The following ATXN10 variants were observed in gnomAD, a reference collection of about 807,000 sequenced individuals.
ATXN10 encodes ataxin-10.
A neutral mutation model predicts 52.9 loss-of-function variants in ATXN10; 28 were observed. The ratio of observed to expected loss-of-function variants is 0.53; its 90% CI spans 0.39 to 0.73. ATXN10 has a LOEUF of 0.73. Ranked by LOEUF, ATXN10 falls within the 30% of genes least tolerant of loss-of-function variation. The pLI, the probability that ATXN10 is intolerant of heterozygous loss-of-function variation, is 0.00. For synonymous variants in ATXN10, 226 were observed against 221.5 expected, an observed-to-expected ratio of 1.02 and a Z score of -0.18; for missense variants, 565 against 577.0, an observed-to-expected ratio of 0.98 and a Z score of 0.21.
intron 3 of ATXN10, among the ~76,000 whole-genome samples, chr22:45,694,517 C>T (rs1601592303): frequency 6.6e-6 from 1 of 151,984 alleles, no homozygotes; most frequent in African/African-American, 2.4e-5. Context: ...TGCAGTGGCT[C>T]AAGCCTGTAA....
chr22:45,720,317 T>G (rs1358084543), intron 6 of ATXN10, among the ~76,000 whole-genome samples: 1 of 141,072 alleles, frequency 7.1e-6, no homozygotes, highest in Non-Finnish European at 1.6e-5. Flanking sequence ...TATTGTAACC[T>G]TTTTTTTTTT....
intron 1 of ATXN10, chr22:45,675,172 G>A (rs903254216): frequency 2.6e-5 from 4 of 152,198 alleles, no homozygotes; most frequent in African/African-American, 9.7e-5. Flanking sequence ...TGAATCTCCT[G>A]TCTTATCAGA....
chr22:45,812,622 T>A (rs1008435850), intron 10 of ATXN10, among the ~76,000 whole-genome samples: 2 of 152,238 alleles, frequency 1.3e-5, no homozygotes, highest in African/African-American at 4.8e-5. Flanking sequence ...CATCCAAGTT[T>A]TATTGAATTT....
intron 9 of ATXN10, among the ~76,000 whole-genome samples, chr22:45,797,280 A>G (rs534625166): frequency 1.3e-5 from 2 of 152,364 alleles, no homozygotes; most frequent in Non-Finnish European, 2.9e-5. Context: ...TTTCCAGTAC[A>G]CATAGAACAT....
At chr22:45,836,618 G>A (rs1929176137) in intron 10 of ATXN10, among the ~76,000 whole-genome samples, 1 of 152,196 alleles carries the variant, frequency 6.6e-6, no homozygotes, top group Admixed American at 6.5e-5. Flanking sequence ...CTCCCCCCTG[G>A]GGATGCACTG....
rs368441887 is a variant in ATXN10 at position 45,766,414 on chromosome 22, C to T, written c.1173+25876C>T. On this transcript the variant is annotated intron_variant, in intron 9 of 11. Coordinates refer to ENST00000252934, the MANE Select transcript of ATXN10 (RefSeq NM_013236.4). This position sits in a 1 kb window ranked among gnomAD's most constrained non-coding sequence, Gnocchi z 4.6. ...AACAGTTTCATCCTGAAGTCTTCCC[C>T]GCAACCCCTCTTCCCCCGAGTCTGT... is the stretch of plus-strand genomic sequence containing the variant. 6.6e-6 allele frequency among the ~76,000 whole-genome samples: 1 copy of T among 152,168 alleles called. No homozygotes were observed. Among genetic ancestry groups the T allele is most frequent in the South Asian group, 2.1e-4 (1 of 4,832 alleles).
At chr22:45,724,130 T>A (rs1924774152) in intron 6 of ATXN10, among the ~76,000 whole-genome samples, 1 of 152,176 alleles carries the variant, frequency 6.6e-6, no homozygotes, top group Non-Finnish European at 1.5e-5. Flanking sequence ...CAATTGTGAA[T>A]TGTTCTGTGA....
chr22:45,747,043 G>T (rs1027537870), intron 9 of ATXN10, among the ~76,000 whole-genome samples: 55 of 152,218 alleles, frequency 3.6e-4, no homozygotes, highest in Middle Eastern at 3.4e-3. Flanking sequence ...CACCACTTTT[G>T]TCCTTGCTCC....
chr22:45,838,780 A>G (rs1490266136), intron 10 of ATXN10, among the ~76,000 whole-genome samples: 1 of 152,160 alleles, frequency 6.6e-6, no homozygotes, highest in East Asian at 1.9e-4. Flanking sequence ...TATATTTTAC[A>G]GTGTTTTTAT....
At chr22:45,836,422 T>C (rs1311694945) in intron 10 of ATXN10, among the ~76,000 whole-genome samples, 1 of 152,184 alleles carries the variant, frequency 6.6e-6, no homozygotes, top group Non-Finnish European at 1.5e-5. Context: ...CCCTGTCTCC[T>C]GCCTCCTGCC....
intron 6 of ATXN10, among the ~76,000 whole-genome samples, chr22:45,723,036 C>A (rs1924719104): frequency 6.6e-6 from 1 of 152,016 alleles, no homozygotes; most frequent in South Asian, 2.1e-4. Flanking sequence ...ATAACTGTTA[C>A]ATTATGTAAT....
chr22:45,742,835 C>T (rs1925589374), intron 9 of ATXN10, among the ~76,000 whole-genome samples: 1 of 3,532 alleles, frequency 2.8e-4, no homozygotes, highest in Non-Finnish European at 4.5e-4. Context: ...CTACTGATTC[C>T]CCCCTTGGGA....
chr22:45,844,981 C>T lies in ATXN10; in HGVS notation c.*1310C>T, dbSNP rs1481730373. ...TGTAACTCTGAAGACACATCAGCTT[C>T]TAGGATTGCAGCAATCTATGAATAA... On this transcript the variant is annotated 3_prime_UTR_variant, in exon 12 of 12. Coordinates refer to ENST00000252934, the MANE Select transcript of ATXN10 (RefSeq NM_013236.4). The T allele has an allele frequency of 6.6e-6, 1 of 152,228 alleles. No individual in the cohort carries two copies. The highest frequency in any genetic ancestry group is 1.5e-5 in the Non-Finnish European group (1 of 68,040). The allele number at this position is 152,228 out of a possible 1,614,324, so 9.4% of individuals were successfully genotyped here. A position where few individuals can be genotyped will look rare whatever the true frequency, so the allele number is the denominator to read the frequency against.
chr22:45,686,864 A>T (rs1183400503), intron 1 of ATXN10, among the ~76,000 whole-genome samples: 1 of 150,414 alleles, frequency 6.6e-6, no homozygotes, highest in Non-Finnish European at 1.5e-5. Flanking sequence ...CAGGCAGAGG[A>T]TTGGGAGATT....
At chr22:45,817,658 C>T (rs1928511328) in intron 10 of ATXN10, among the ~76,000 whole-genome samples, 1 of 151,916 alleles carries the variant, frequency 6.6e-6, no homozygotes, top group Admixed American at 6.5e-5. Context: ...TATAGTAATT[C>T]TCCCACCCTC....
At chr22:45,793,787 C>G in intron 9 of ATXN10, 4 of 1,320,928 alleles carry the variant, frequency 3.0e-6, no homozygotes, top group Non-Finnish European at 3.9e-6. Context: ...AGGTAAGCCC[C>G]CAAATTGGGA....
intron 7 of ATXN10, 133 bp from the exon 8 acceptor site, chr22:45,738,598 T>G: frequency 1.3e-6 from 1 of 776,322 alleles, no homozygotes; most frequent in Non-Finnish European, 2.1e-6. Context: ...ATAGTTTTGT[T>G]TTTCTCTTTG....
intron 10 of ATXN10, among the ~76,000 whole-genome samples, chr22:45,831,512 A>G (rs1928991756): frequency 6.6e-6 from 1 of 152,228 alleles, no homozygotes; most frequent in Non-Finnish European, 1.5e-5. Context: ...AAAAAAAAGC[A>G]AACAGTTCTG....
At chr22:45,725,638 A>G (rs1041347372) in intron 6 of ATXN10, among the ~76,000 whole-genome samples, 3 of 151,652 alleles carry the variant, frequency 2.0e-5, no homozygotes, top group African/African-American at 7.3e-5. Flanking sequence ...CCTTTTTTCC[A>G]ATTTGGATGC....
Sources: allele counts gnomAD v4.1 joint callset (sites outside exome capture counted in the v4.1 genomes callset), GRCh38; gene constraint gnomAD v4.1.1; non-coding constraint Gnocchi (gnomAD v3.1); transcripts MANE v1.5; gene names NCBI Gene and HGNC (gene_info 2026-07-23, HGNC 2026-07-21).